DIP2A: variants seen among roughly 807,000 people sequenced by gnomAD.
DIP2A encodes the protein DIP2 acetate--CoA ligase A, also known as disco-interacting protein 2 homolog A.
In DIP2A, 85 loss-of-function variants were observed where a neutral mutation model predicts 177.4. The observed-to-expected ratio is 0.48, with a 90% CI of 0.40 to 0.57. DIP2A has a LOEUF of 0.57. Among genes scored for constraint, DIP2A ranks in the 20% least tolerant of loss-of-function variants. The pLI is 0.00. For synonymous variants in DIP2A, 886 were observed against 881.8 expected, an observed-to-expected ratio of 1.00 and a Z score of -0.08; for missense variants, 1,791 against 2,100.2, an observed-to-expected ratio of 0.85 and a Z score of 2.88.
At chr21:46,459,254 C>T in intron 1 of DIP2A, 32 bp downstream of exon 1, 3 of 1,500,626 alleles carry the variant, frequency 2.0e-6, no homozygotes, top group South Asian at 1.2e-5. Context: ...ACCCCCGCGA[C>T]CCGCCCTCAG....
Position 46,484,881 on chromosome 21 carries a change from G to A in DIP2A, c.163+53G>A, listed in dbSNP as rs559744667. The A allele has an allele frequency of 3.4e-6, 5 of 1,458,978 alleles. No homozygotes were observed. The African/African-American group carries it at 5.8e-5, about 17-fold the overall frequency. 90.4% of individuals were successfully genotyped at this position (1,458,978 alleles called of 1,614,324 possible). ...TAGCAATTATATTGTTTCATAACAT[G>A]TGATTTTTAAATTGTTTTTAGAGTT... On this transcript the variant is annotated intron_variant, in intron 2 of 37. Transcript: ENST00000417564.
At chr21:46,480,969 A>G (rs1176108638) in intron 1 of DIP2A, among the ~76,000 whole-genome samples, 1 of 152,142 alleles carries the variant, frequency 6.6e-6, no homozygotes, top group African/African-American at 2.4e-5. Flanking sequence ...CAGACTCCGG[A>G]AAGCTGATTT....
Position 46,511,437 on chromosome 21 carries a change from C to G in DIP2A, c.925C>G (p.Gln309Glu), listed in dbSNP as rs1298994657. ...LLEVQQPDPN[Q>E]PKPEGSETSV... ...TGTAGTTCAGCAACCAGATCCAAATCAGCCAAAGCCTGAGGGAAGCGAGAC... is the reference window on the plus strand; with the variant it reads ...TGTAGTTCAGCAACCAGATCCAAATGAGCCAAAGCCTGAGGGAAGCGAGAC... The change falls in exon 8 of 38, where the codon CAG becomes GAG. Residue 309 changes from glutamine to glutamate, a missense_variant. Coordinates refer to ENST00000417564, the MANE Select transcript of DIP2A (RefSeq NM_015151.4). 6.2e-7 allele frequency: 1 copy of G among 1,611,122 alleles called. No homozygotes were observed. Among genetic ancestry groups the G allele is most frequent in the South Asian group, 1.1e-5 (1 of 90,472 alleles).
At chr21:46,506,452 T>G (rs1430368687) in intron 6 of DIP2A, among the ~76,000 whole-genome samples, 2 of 152,204 alleles carry the variant, frequency 1.3e-5, no homozygotes, top group Non-Finnish European at 2.9e-5. Flanking sequence ...CACGCTGTTT[T>G]CCAAAGTGAT....
At chr21:46,548,179 T>C (rs968957515) in intron 21 of DIP2A, among the ~76,000 whole-genome samples, 4 of 144,858 alleles carry the variant, frequency 2.8e-5, no homozygotes, top group African/African-American at 2.6e-5. Flanking sequence ...CATGCATGTG[T>C]GCGTGTGTGT....
downstream of DIP2A, among the ~76,000 whole-genome samples, chr21:46,574,661 A>T (rs2060982143): frequency 6.6e-6 from 1 of 152,170 alleles, no homozygotes; most frequent in Non-Finnish European, 1.5e-5. Flanking sequence ...AGCATTAAAA[A>T]ATACTATGCA....
At position 46,497,066 on chromosome 21, in the gene DIP2A, C is replaced by T. The variant is rs868356218; in HGVS notation, c.362C>T (p.Ser121Phe). ...ATGCCTATGCCTTCGAAGAGACGTT[C>T]TGTCCTTGTGCATTCGTCTGTGGAA... ...RKMPMPSKRR[S>F]VLVHSSVETY... Residue 121 changes from serine to phenylalanine, a missense_variant, in exon 4 of 38, where the codon TCT (serine) becomes TTT (phenylalanine). Physicochemically the swap from Ser to Phe is radical, Grantham distance 155. Transcript: ENST00000417564. 7.4e-6 allele frequency: 12 copies of T among 1,613,962 alleles called. No homozygotes were observed. Among genetic ancestry groups the T allele is most frequent in the Non-Finnish European group, 1.0e-5 (12 of 1,179,872 alleles).
chr21:46,525,389 C>G (rs1472002514), intron 8 of DIP2A, among the ~76,000 whole-genome samples: 2 of 152,154 alleles, frequency 1.3e-5, no homozygotes, highest in Admixed American at 1.3e-4. Context: ...CCGTTCTTGT[C>G]TAAGGAGGAG....
At chr21:46,501,157 A>G (rs886232304) in intron 5 of DIP2A, among the ~76,000 whole-genome samples, 17 of 152,254 alleles carry the variant, frequency 1.1e-4, no homozygotes, top group African/African-American at 3.9e-4. Context: ...TGTGTCTTCA[A>G]TTTAAACTAA....
rs1316570450 is a variant in DIP2A at position 46,549,753 on chromosome 21, C to CCCGCAGGTCT, written c.2523-17_2523-16insCGCAGGTCTC. 6.2e-7 allele frequency: 1 copy of CCCGCAGGTCT among 1,612,830 alleles called. No homozygotes were observed. The highest frequency in any genetic ancestry group is 2.2e-5 in the East Asian group (1 of 44,886). Reference sequence around the variant, plus strand: ...TTGGCCTCTTGCCGTGTGGCCATTTCCATGTCTCATCCCGCAGGATCGCTG... The same window carrying CCCGCAGGTCT: ...TTGGCCTCTTGCCGTGTGGCCATTTCCCGCAGGTCTCATGTCTCATCCCGCAGGATCGCTG... On this transcript the variant is annotated splice_polypyrimidine_tract_variant and intron_variant, in intron 21 of 37. Transcript: ENST00000417564.
At chr21:46,463,545 T>C (rs1233482654) in intron 1 of DIP2A, among the ~76,000 whole-genome samples, 2 of 152,176 alleles carry the variant, frequency 1.3e-5, no homozygotes, top group Non-Finnish European at 2.9e-5. Flanking sequence ...TCTTATATTC[T>C]AACAATGCAG....
rs371550332 is a variant in DIP2A, at chr21:46,495,244, T to TTCTCTCTCTCTCTC, written c.284-1722_284-1709dup. ...CTTCTCTTCTCTTCTCTTCTCTTCTTTCTCTCTCTCTCTCTCTCTCTCTCT... is the reference window on the plus strand; with the variant it reads ...CTTCTCTTCTCTTCTCTTCTCTTCTTTCTCTCTCTCTCTCTCTCTCTCTCTCTCTCTCTCTCTCT... On this transcript the variant is annotated intron_variant, in intron 3 of 37. Transcript: ENST00000417564. 7.7e-3 allele frequency among the ~76,000 whole-genome samples: 294 copies of TTCTCTCTCTCTCTC among 38,100 alleles called. 12 individuals carry two copies. Among genetic ancestry groups the TTCTCTCTCTCTCTC allele is most frequent in the East Asian group, 0.012 (12 of 1,018 alleles). 25.0% of individuals were successfully genotyped at this position (38,100 alleles called of 152,430 possible). A position where few individuals can be genotyped will look rare whatever the true frequency, so the allele number is the denominator to read the frequency against.
the DIP2A span, among the ~76,000 whole-genome samples, chr21:46,583,427 A>G: frequency 6.6e-6 from 1 of 152,212 alleles, no homozygotes; most frequent in East Asian, 1.9e-4. Context: ...CACATAGAAC[A>G]TTCTCTAGAA....
intron 1 of DIP2A, among the ~76,000 whole-genome samples, chr21:46,477,570 T>TGTGTGTGTGTGTGTGTGTGTGTG (rs1180881454): frequency 5.2e-4 from 67 of 127,918 alleles, no homozygotes; most frequent in South Asian, 1.0e-3. Flanking sequence ...TGTGTGTGTA[T>TGTGTGTGTGTGTGTGTGTGTGTG]TTCTTTTTTT....
intron 28 of DIP2A, 59 bp downstream of exon 28, chr21:46,554,992 G>C: frequency 6.7e-7 from 1 of 1,503,238 alleles, no homozygotes; most frequent in Non-Finnish European, 9.0e-7. Flanking sequence ...TGTAGGTGTG[G>C]TGTGGCCTGG....
chr21:46,477,634 C>T (rs550390169), intron 1 of DIP2A, among the ~76,000 whole-genome samples: 3 of 147,288 alleles, frequency 2.0e-5, no homozygotes, highest in South Asian at 2.2e-4. Context: ...AGTACAGTGC[C>T]ACTATCTCGG....
chr21:46,523,014 C>T (rs979939460), intron 8 of DIP2A, among the ~76,000 whole-genome samples: 16 of 151,978 alleles, frequency 1.1e-4, no homozygotes, highest in African/African-American at 3.6e-4. Flanking sequence ...CAACCTCTGT[C>T]TCCCAGGTTC....
rs1008673840 is a variant in DIP2A at position 46,563,453 on chromosome 21, G to T, written c.4090-405G>T. On this transcript the variant is annotated intron_variant, in intron 34 of 37. Coordinates refer to ENST00000417564, the MANE Select transcript of DIP2A (RefSeq NM_015151.4). This position sits in a 1 kb window ranked among gnomAD's most constrained non-coding sequence, Gnocchi z 4.3. ...ACTGACTCGGAGTCACGGGCAGGAA[G>T]AACTTCCTCATGGTCAGGTTCCTGG... 1.3e-5 allele frequency among the ~76,000 whole-genome samples: 2 copies of T among 152,208 alleles called. No individual in the cohort carries two copies. The highest frequency in any genetic ancestry group is 4.8e-5 in the African/African-American group (2 of 41,452).
chr21:46,512,983 A>G (rs2058382247), intron 8 of DIP2A, among the ~76,000 whole-genome samples: 1 of 152,028 alleles, frequency 6.6e-6, no homozygotes, highest in African/African-American at 2.4e-5. Context: ...TATGTTTCAG[A>G]TAGGCATCTT....
Sources: allele counts gnomAD v4.1 joint callset (sites outside exome capture counted in the v4.1 genomes callset), GRCh38; gene constraint gnomAD v4.1.1; non-coding constraint Gnocchi (gnomAD v3.1); transcripts MANE v1.5; gene names NCBI Gene and HGNC (gene_info 2026-07-23, HGNC 2026-07-21).